MAML3: variants seen among roughly 807,000 people sequenced by gnomAD.
MAML3 encodes mastermind like transcriptional coactivator 3.
MAML3 carries 27 observed loss-of-function variants against 101.9 expected under a neutral mutation model. The observed-to-expected ratio is 0.27, with a 90% confidence interval of 0.20 to 0.37. The LOEUF (loss-of-function observed/expected upper bound fraction) is 0.37. Ranked by LOEUF, MAML3 falls within the 10% of genes least tolerant of loss-of-function variation. The probability of loss-of-function intolerance (pLI) is 1.00; values close to 1 mark genes in which losing one functional copy is unlikely to be tolerated. For synonymous variants in MAML3, 501 were observed against 555.9 expected (o/e 0.90, Z 1.39); for missense variants, 1,316 against 1,444.9 (o/e 0.91, Z 1.45).
intron 2 of MAML3, among the ~76,000 whole-genome samples, chr4:139,808,987 T>G (rs925289692): frequency 1.3e-5 from 2 of 152,238 alleles, no homozygotes; most frequent in Admixed American, 1.3e-4. Context: ...AGAATGTCGG[T>G]GTGTGACTCC....
intron 1 of MAML3, among the ~76,000 whole-genome samples, chr4:139,989,216 A>G (rs1488448904): frequency 6.6e-6 from 1 of 152,118 alleles, no homozygotes; most frequent in East Asian, 1.9e-4. Context: ...CCAATAAAAT[A>G]CCACTCTGAA....
intron 2 of MAML3, among the ~76,000 whole-genome samples, chr4:139,829,724 G>T (rs912377806): frequency 1.3e-5 from 2 of 152,202 alleles, no homozygotes; most frequent in African/African-American, 4.8e-5. Flanking sequence ...AATCTTGTCT[G>T]TATGTGGTTT....
chr4:139,970,520 A>G (rs1734218758), intron 1 of MAML3, among the ~76,000 whole-genome samples: 1 of 152,164 alleles, frequency 6.6e-6, no homozygotes, highest in South Asian at 2.1e-4. Context: ...TTAAAAATGG[A>G]TCAGACAATC....
At chr4:140,051,135 ATATC>A (rs1364614601) in intron 1 of MAML3, among the ~76,000 whole-genome samples, 2 of 152,226 alleles carry the variant, frequency 1.3e-5, no homozygotes, top group Non-Finnish European at 2.9e-5. Flanking sequence ...GTTGAGGACA[ATATC>A]TATAAGTCTA....
At chr4:139,778,221 G>A (rs1489270411) in intron 2 of MAML3, among the ~76,000 whole-genome samples, 1 of 152,208 alleles carries the variant, frequency 6.6e-6, no homozygotes. Flanking sequence ...CAAGAGAGCT[G>A]GAGATGAGAA....
At chr4:139,818,512 C>G (rs1730926236) in intron 2 of MAML3, among the ~76,000 whole-genome samples, 1 of 152,156 alleles carries the variant, frequency 6.6e-6, no homozygotes, top group Non-Finnish European at 1.5e-5. Flanking sequence ...CAATTCCTTC[C>G]TACTCATGAC....
intron 1 of MAML3, among the ~76,000 whole-genome samples, chr4:139,999,354 C>G (rs907601520): frequency 6.6e-6 from 1 of 152,202 alleles, no homozygotes; most frequent in African/African-American, 2.4e-5. Flanking sequence ...CTGTGGTCCT[C>G]TACTCCTAGA....
chr4:139,767,485 T>TTTC (rs1430323148), intron 2 of MAML3, among the ~76,000 whole-genome samples: 1 of 152,226 alleles, frequency 6.6e-6, no homozygotes, highest in African/African-American at 2.4e-5. Flanking sequence ...TGCTTCCTTT[T>TTTC]TTCTTCTTCT....
At chr4:139,941,949 C>A (rs2110740241) in intron 1 of MAML3, among the ~76,000 whole-genome samples, 1 of 152,210 alleles carries the variant, frequency 6.6e-6, no homozygotes, top group South Asian at 2.1e-4. Context: ...GCCTGGGCAA[C>A]ATGGTGAAAC....
intron 2 of MAML3, among the ~76,000 whole-genome samples, chr4:139,771,036 G>A (rs542936280): frequency 1.3e-5 from 2 of 152,062 alleles, no homozygotes; most frequent in East Asian, 3.9e-4. Flanking sequence ...CCTCCATGAA[G>A]GATCCACACC....
intron 2 of MAML3, among the ~76,000 whole-genome samples, chr4:139,867,384 C>T (rs1731916367): frequency 6.6e-6 from 1 of 152,182 alleles, no homozygotes; most frequent in African/African-American, 2.4e-5. Context: ...TAGAGGGTGC[C>T]ACAGAAATGA....
chr4:140,098,531 T>C (rs1728197488), intron 1 of MAML3, among the ~76,000 whole-genome samples: 9 of 152,206 alleles, frequency 5.9e-5, no homozygotes, highest in Admixed American at 5.9e-4. Flanking sequence ...CCCTTTCTTA[T>C]CCTTCCCGTA....
At chr4:139,983,055 T>TTC (rs1273056418) in intron 1 of MAML3, among the ~76,000 whole-genome samples, 3 of 152,248 alleles carry the variant, frequency 2.0e-5, no homozygotes, top group Admixed American at 6.5e-5. Context: ...TCGTGATAGT[T>TTC]AGATTCTTTT....
intron 1 of MAML3, among the ~76,000 whole-genome samples, chr4:139,901,736 C>T (rs779097965): frequency 6.6e-6 from 1 of 152,090 alleles, no homozygotes; most frequent in Non-Finnish European, 1.5e-5. Context: ...TAGAACTAAG[C>T]GTGAGGTTTC....
intron 2 of MAML3, among the ~76,000 whole-genome samples, chr4:139,827,648 A>G (rs1731085556): frequency 6.6e-6 from 1 of 152,248 alleles, no homozygotes; most frequent in African/African-American, 2.4e-5. Context: ...GAGAATACTA[A>G]TAGTAATCTA....
chr4:140,114,805 G>C (rs928403942), intron 1 of MAML3, among the ~76,000 whole-genome samples: 4 of 152,174 alleles, frequency 2.6e-5, no homozygotes, highest in Non-Finnish European at 5.9e-5. Flanking sequence ...ACTGTGGAGT[G>C]TACCTTTAAA....
chr4:140,075,295 T>C (rs1040316120), intron 1 of MAML3, among the ~76,000 whole-genome samples: 28 of 152,200 alleles, frequency 1.8e-4, no homozygotes, highest in Admixed American at 1.4e-3. Flanking sequence ...ACTTTTCACC[T>C]GTCTGAGATT....
intron 1 of MAML3, among the ~76,000 whole-genome samples, chr4:139,956,378 C>T (rs543043978): frequency 2.6e-5 from 4 of 152,226 alleles, no homozygotes; most frequent in East Asian, 1.9e-4. Flanking sequence ...CTTAAAAAGT[C>T]GAGCAATACA....
intron 1 of MAML3, among the ~76,000 whole-genome samples, chr4:139,903,890 A>G (rs1386411962): frequency 6.6e-6 from 1 of 152,212 alleles, no homozygotes; most frequent in East Asian, 1.9e-4. Context: ...CCATCTAGGT[A>G]TCCTCACATG....
Sources: gnomAD v4.1 joint callset for allele counts (sites outside exome capture counted in the v4.1 genomes callset) on GRCh38, gnomAD v4.1.1 for gene constraint, MANE v1.5 for transcripts, NCBI Gene and HGNC (gene_info 2026-07-23, HGNC 2026-07-21) for gene names.